The following TPRG1 variants were observed in gnomAD, a reference collection of about 807,000 sequenced individuals.
TPRG1 encodes the protein tumor protein p63 regulated 1.
Under a neutral mutation model 29.3 loss-of-function variants are expected in TPRG1, and 29 were observed. The ratio of observed to expected loss-of-function variants is 0.99; its 90% CI spans 0.74 to 1.35. The LOEUF is 1.35. Ranked by LOEUF, TPRG1 falls within the 40% of genes most tolerant of loss-of-function variation. The probability of loss-of-function intolerance (pLI) is 0.00; values close to 1 mark genes in which losing one functional copy is unlikely to be tolerated. For missense variants in TPRG1, 327 were observed against 335.0 expected (o/e 0.98, Z 0.19); for synonymous variants, 130 against 116.8 (o/e 1.11, Z -0.73).
intron 3 of TPRG1, among the ~76,000 whole-genome samples, chr3:189,020,155 T>A (rs866574974): frequency 1.1e-3 from 166 of 151,626 alleles, no homozygotes; most frequent in African/African-American, 3.6e-3. Context: ...GCGGTCTATC[T>A]ATTTTGTTGA....
chr3:189,289,128 T>C (rs1718568049), intron 4 of TPRG1, among the ~76,000 whole-genome samples: 1 of 152,210 alleles, frequency 6.6e-6, no homozygotes, highest in South Asian at 2.1e-4. Flanking sequence ...TCCCCGTGGC[T>C]GTCTCCACCT....
chr3:189,209,989 T>C (rs1446488052), intron 2 of TPRG1, among the ~76,000 whole-genome samples: 1 of 151,840 alleles, frequency 6.6e-6, no homozygotes, highest in Admixed American at 6.6e-5. Flanking sequence ...ATGAGAACAA[T>C]GAAAATATAA....
chr3:189,035,138 C>T (rs1452349674), intron 4 of TPRG1, among the ~76,000 whole-genome samples: 1 of 152,102 alleles, frequency 6.6e-6, no homozygotes, highest in African/African-American at 2.4e-5. Flanking sequence ...AGCCACACAC[C>T]TACAACCATA....
intron 3 of TPRG1, among the ~76,000 whole-genome samples, chr3:189,230,470 G>T (rs187594549): frequency 6.6e-6 from 1 of 152,062 alleles, no homozygotes. Flanking sequence ...CATGTGATCT[G>T]GCTTCTGCCC....
At chr3:189,217,362 G>C (rs947481784) in intron 3 of TPRG1, among the ~76,000 whole-genome samples, 5 of 152,128 alleles carry the variant, frequency 3.3e-5, no homozygotes, top group African/African-American at 1.2e-4. Context: ...TTTCTCTTTT[G>C]TTTTGTGGTA....
chr3:189,042,995 A>G (rs963205823), intron 4 of TPRG1, among the ~76,000 whole-genome samples: 1 of 152,162 alleles, frequency 6.6e-6, no homozygotes, highest in African/African-American at 2.4e-5. Flanking sequence ...AACCAGAGAC[A>G]ATGACCACAC....
chr3:189,158,510 G>A (rs1726999951), intron 5 of TPRG1, among the ~76,000 whole-genome samples: 1 of 152,126 alleles, frequency 6.6e-6, no homozygotes, highest in African/African-American at 2.4e-5. Context: ...CCAGGAGGCT[G>A]AGGCAGGAGA....
At chr3:189,281,896 T>C (rs1717197114) in intron 4 of TPRG1, among the ~76,000 whole-genome samples, 1 of 152,092 alleles carries the variant, frequency 6.6e-6, no homozygotes, top group South Asian at 2.1e-4. Flanking sequence ...TTTTATTTTT[T>C]TGGAGACAGA....
chr3:189,108,318 T>A (rs1304261774), intron 1 of TPRG1, among the ~76,000 whole-genome samples: 9 of 152,128 alleles, frequency 5.9e-5, no homozygotes, highest in Non-Finnish European at 1.2e-4. Context: ...CAGCAACTTA[T>A]AGAACATGGA....
At position 189,322,711 on chromosome 3, in the gene TPRG1, C is replaced by G. The variant is rs1275859404; in HGVS notation, c.*1891C>G. On this transcript the variant is annotated 3_prime_UTR_variant, in exon 6 of 6. Coordinates refer to ENST00000345063, the MANE Select transcript of TPRG1 (RefSeq NM_198485.4). The stretch of plus-strand genomic sequence containing the variant: ...ATTTAAGGATCAGCCTGACAATCGA[C>G]TTCTCTCTGCACATTTGCCCCCTTT... The G allele has an allele frequency of 6.6e-6, 1 of 152,490 alleles. No individual in the cohort carries two copies. The highest frequency in any genetic ancestry group is 1.5e-5 in the Non-Finnish European group (1 of 68,040). The allele number at this position is 152,490 out of a possible 1,614,324, so 9.4% of individuals were successfully genotyped here.
At chr3:189,317,742 T>C (rs1280166088) in intron 5 of TPRG1, among the ~76,000 whole-genome samples, 4 of 152,172 alleles carry the variant, frequency 2.6e-5, no homozygotes, top group African/African-American at 7.2e-5. Flanking sequence ...CAGTGAGATA[T>C]TATCGGTTGT....
intron 1 of TPRG1, among the ~76,000 whole-genome samples, chr3:189,119,588 T>C (rs1233100832): frequency 6.6e-6 from 1 of 152,082 alleles, no homozygotes; most frequent in Non-Finnish European, 1.5e-5. Flanking sequence ...CAGTGGGAGG[T>C]AATGAAATCA....
At chr3:189,317,864 T>C (rs1471257310) in intron 5 of TPRG1, among the ~76,000 whole-genome samples, 1 of 152,180 alleles carries the variant, frequency 6.6e-6, no homozygotes, top group Non-Finnish European at 1.5e-5. Flanking sequence ...CTGCATGTGT[T>C]CAGAGAGGAG....
intron 3 of TPRG1, among the ~76,000 whole-genome samples, chr3:189,137,296 ATGTGTGTGTGTG>A (rs10525363): frequency 0.031 from 3,964 of 129,894 alleles, 65 homozygotes; most frequent in South Asian, 0.045. Flanking sequence ...AAACCCCAAA[ATGTGTGTGTGTG>A]TGTGTGTGTG....
chr3:189,002,946 A>G (rs1285279616), intron 2 of TPRG1, among the ~76,000 whole-genome samples: 1 of 152,176 alleles, frequency 6.6e-6, no homozygotes, highest in Non-Finnish European at 1.5e-5. Flanking sequence ...CATGAAAAAC[A>G]TTTAACCACA....
At chr3:189,010,467 A>G (rs1225792715) in intron 3 of TPRG1, among the ~76,000 whole-genome samples, 1 of 151,930 alleles carries the variant, frequency 6.6e-6, no homozygotes, top group Admixed American at 6.6e-5. Flanking sequence ...GCTTTTTAGT[A>G]ATAGCCATGA....
chr3:189,001,671 G>A (rs1407812293), intron 2 of TPRG1, among the ~76,000 whole-genome samples: 1 of 152,128 alleles, frequency 6.6e-6, no homozygotes, highest in East Asian at 1.9e-4. Context: ...GACCAGTGCA[G>A]CTTTGTGTTA....
chr3:189,219,030 A>G (rs1282133201), intron 3 of TPRG1, among the ~76,000 whole-genome samples: 2 of 152,246 alleles, frequency 1.3e-5, no homozygotes, highest in Non-Finnish European at 2.9e-5. Context: ...TCCATTGTAT[A>G]AAGACCACTA....
intron 4 of TPRG1, among the ~76,000 whole-genome samples, chr3:189,298,163 A>G (rs1196306966): frequency 6.6e-6 from 1 of 152,150 alleles, no homozygotes; most frequent in Non-Finnish European, 1.5e-5. Flanking sequence ...AATCAGCTCT[A>G]TTTCAGGAAA....
Sources: allele counts gnomAD v4.1 joint callset (sites outside exome capture counted in the v4.1 genomes callset), GRCh38; gene constraint gnomAD v4.1.1; transcripts MANE v1.5; gene names NCBI Gene and HGNC (gene_info 2026-07-23, HGNC 2026-07-21).